The following KCNIP4 variants were observed in gnomAD, a reference collection of about 807,000 sequenced individuals.
KCNIP4 encodes potassium voltage-gated channel interacting protein 4, also known as Kv channel-interacting protein 4.
A neutral mutation model predicts 34.0 loss-of-function variants in KCNIP4; 12 were observed. That is an observed-to-expected ratio of 0.35 (90% CI 0.23 to 0.57). The LOEUF is 0.57. Among genes scored for constraint, KCNIP4 ranks in the 20% least tolerant of loss-of-function variants. The pLI is 0.83. For synonymous variants in KCNIP4, 124 were observed against 102.2 expected, an observed-to-expected ratio of 1.21 and a Z score of -1.29; for missense variants, 238 against 311.7, an observed-to-expected ratio of 0.76 and a Z score of 1.78.
At chr4:20,982,066 A>G (rs78555002) in intron 1 of KCNIP4, among the ~76,000 whole-genome samples, 3,871 of 152,314 alleles carry the variant, frequency 0.025, 171 homozygotes, top group African/African-American at 0.089. Context: ...TGAAACAGAC[A>G]TTGAAGAATA....
At position 21,935,962 on chromosome 4, in the gene KCNIP4, T is replaced by TTATATTTATA. The variant is rs1729840068; in HGVS notation, c.61+12608_61+12609insTATAAATATA. 2.7e-5 allele frequency among the ~76,000 whole-genome samples: 4 copies of TTATATTTATA among 148,052 alleles called. No homozygotes were observed. The South Asian group carries it at 8.5e-4, about 31-fold the overall frequency. ...CAAATATACCCAAAAGAAATGAAGA[T>TTATATTTATA]TATATATATATATATATGCGCACAT... is the stretch of plus-strand genomic sequence containing the variant. On this transcript the variant is annotated intron_variant, in intron 1 of 8. Coordinates refer to ENST00000382152, the MANE Select transcript of KCNIP4 (RefSeq NM_025221.6).
intron 1 of KCNIP4, among the ~76,000 whole-genome samples, chr4:21,351,983 A>C (rs1305603203): frequency 6.6e-6 from 1 of 152,192 alleles, no homozygotes; most frequent in Non-Finnish European, 1.5e-5. Flanking sequence ...TCACATCATA[A>C]GTTGAGGCTC....
intron 1 of KCNIP4, among the ~76,000 whole-genome samples, chr4:21,069,586 G>C (rs1744713004): frequency 1.3e-5 from 2 of 152,144 alleles, no homozygotes; most frequent in Admixed American, 6.6e-5. Context: ...ACACATACCA[G>C]AAGTGGGAGA....
intron 1 of KCNIP4, among the ~76,000 whole-genome samples, chr4:21,332,282 C>T (rs935528273): frequency 6.6e-6 from 1 of 151,244 alleles, no homozygotes; most frequent in Non-Finnish European, 1.5e-5. Flanking sequence ...GGAAATTAAC[C>T]CAAGGATTCT....
intron 1 of KCNIP4, among the ~76,000 whole-genome samples, chr4:21,291,283 G>A (rs1763440508): frequency 6.6e-6 from 1 of 151,990 alleles, no homozygotes; most frequent in Non-Finnish European, 1.5e-5. Context: ...CATGGCTTAT[G>A]TTCATGGAGT....
At chr4:21,443,717 G>A (rs567424587) in intron 1 of KCNIP4, among the ~76,000 whole-genome samples, 1 of 152,180 alleles carries the variant, frequency 6.6e-6, no homozygotes, top group South Asian at 2.1e-4. Context: ...AGAATTGCTT[G>A]AGCCCAGGAG....
At chr4:21,181,688 A>G (rs989749657) in intron 1 of KCNIP4, among the ~76,000 whole-genome samples, 1 of 152,138 alleles carries the variant, frequency 6.6e-6, no homozygotes, top group Admixed American at 6.6e-5. Flanking sequence ...AAGTTCTGAG[A>G]GTCCATGTAA....
chr4:20,772,978 C>T (rs1480331796), intron 3 of KCNIP4, among the ~76,000 whole-genome samples: 1 of 151,808 alleles, frequency 6.6e-6, no homozygotes, highest in East Asian at 1.9e-4. Flanking sequence ...CTAGTTTGTC[C>T]CTCTTGCACA....
intron 3 of KCNIP4, among the ~76,000 whole-genome samples, chr4:20,759,585 C>T (rs1336805902): frequency 8.6e-5 from 13 of 152,040 alleles, no homozygotes; most frequent in Non-Finnish European, 8.8e-5. Context: ...GACAACTGAC[C>T]TGGAGGGGCC....
At chr4:21,330,324 C>T (rs1049388089) in intron 1 of KCNIP4, among the ~76,000 whole-genome samples, 3 of 152,022 alleles carry the variant, frequency 2.0e-5, no homozygotes, top group Non-Finnish European at 4.4e-5. Flanking sequence ...ACATGTTAAC[C>T]CGAATAAGTT....
At chr4:21,069,107 A>G (rs1253396835) in intron 1 of KCNIP4, among the ~76,000 whole-genome samples, 1 of 152,202 alleles carries the variant, frequency 6.6e-6, no homozygotes, top group Non-Finnish European at 1.5e-5. Context: ...CTCTTTGTAA[A>G]ATGCATAGAT....
chr4:21,155,268 T>C (rs1753061637), intron 1 of KCNIP4, among the ~76,000 whole-genome samples: 1 of 152,220 alleles, frequency 6.6e-6, no homozygotes, highest in Middle Eastern at 3.2e-3. Flanking sequence ...TTTTCTATTA[T>C]GTGCAGATAA....
intron 1 of KCNIP4, among the ~76,000 whole-genome samples, chr4:21,619,972 C>A (rs1744891313): frequency 6.6e-6 from 1 of 152,114 alleles, no homozygotes; most frequent in African/African-American, 2.4e-5. Flanking sequence ...ATGGGTATAG[C>A]AATAGTTACT....
At chr4:21,909,218 A>C (rs1728164362) in intron 1 of KCNIP4, among the ~76,000 whole-genome samples, 1 of 152,128 alleles carries the variant, frequency 6.6e-6, no homozygotes, top group Admixed American at 6.6e-5. Flanking sequence ...GTCCTTTCTA[A>C]ACCCTCTAAG....
intron 1 of KCNIP4, among the ~76,000 whole-genome samples, chr4:21,113,140 C>G (rs1749368850): frequency 6.6e-6 from 1 of 152,166 alleles, no homozygotes; most frequent in Non-Finnish European, 1.5e-5. Context: ...GCTACAATTA[C>G]AGCAGGGAGA....
At chr4:21,830,222 T>A (rs1437438481) in intron 1 of KCNIP4, among the ~76,000 whole-genome samples, 1 of 152,054 alleles carries the variant, frequency 6.6e-6, no homozygotes, top group African/African-American at 2.4e-5. Context: ...AGACTTTAAG[T>A]CGAAAACTGT....
At chr4:21,668,683 C>A (rs1327879547) in intron 1 of KCNIP4, among the ~76,000 whole-genome samples, 4 of 152,034 alleles carry the variant, frequency 2.6e-5, no homozygotes, top group Non-Finnish European at 5.9e-5. Flanking sequence ...CTTTGATAAT[C>A]CACAAAAGTA....
At chr4:20,845,796 C>A (rs183646626) in intron 3 of KCNIP4, among the ~76,000 whole-genome samples, 1 of 152,198 alleles carries the variant, frequency 6.6e-6, no homozygotes, top group African/African-American at 2.4e-5. Context: ...TGACAGCCAG[C>A]AAGAGGGGAA....
At chr4:21,562,532 C>G (rs1739556852) in intron 1 of KCNIP4, among the ~76,000 whole-genome samples, 1 of 152,040 alleles carries the variant, frequency 6.6e-6, no homozygotes, top group South Asian at 2.1e-4. Context: ...AACAAAATAA[C>G]ATGTAACATT....
Sources: allele counts gnomAD v4.1 joint callset (sites outside exome capture counted in the v4.1 genomes callset), GRCh38; gene constraint gnomAD v4.1.1; transcripts MANE v1.5; gene names NCBI Gene and HGNC (gene_info 2026-07-23, HGNC 2026-07-21).